The following ERICH6B variants were observed in gnomAD, a reference collection of about 807,000 sequenced individuals.
ERICH6B encodes the protein glutamate rich 6B, also known as glutamate-rich protein 6B.
ERICH6B carries 69 observed loss-of-function variants against 80.0 expected under a neutral mutation model. That is an observed-to-expected ratio of 0.86 (90% CI 0.71 to 1.05). ERICH6B has a LOEUF of 1.05. Among genes scored for constraint, ERICH6B ranks in the 50% least tolerant of loss-of-function variants. The pLI, the probability that ERICH6B is intolerant of heterozygous loss-of-function variation, is 0.00. For synonymous variants in ERICH6B, 283 were observed against 291.9 expected (o/e 0.97, Z 0.31); for missense variants, 754 against 796.1 (o/e 0.95, Z 0.64).
chr13:45,565,558 G>C (rs1874878400), intron 9 of ERICH6B, among the ~76,000 whole-genome samples: 1 of 152,160 alleles, frequency 6.6e-6, no homozygotes, highest in Non-Finnish European at 1.5e-5. Flanking sequence ...CTGAACCATG[G>C]GGGCATCTTT....
intron 9 of ERICH6B, among the ~76,000 whole-genome samples, chr13:45,566,082 C>A (rs149640560): frequency 6.6e-6 from 1 of 152,296 alleles, no homozygotes; most frequent in East Asian, 1.9e-4. Flanking sequence ...AAGAGACTGG[C>A]AGCATTTTTG....
At chr13:45,546,978 A>G (rs1033757787) in intron 13 of ERICH6B, among the ~76,000 whole-genome samples, 1 of 152,168 alleles carries the variant, frequency 6.6e-6, no homozygotes, top group Non-Finnish European at 1.5e-5. Context: ...CTCCTTCTCT[A>G]AGTAAGAGGC....
intron 13 of ERICH6B, among the ~76,000 whole-genome samples, chr13:45,546,928 G>T (rs1874016726): frequency 6.6e-6 from 1 of 152,144 alleles, no homozygotes; most frequent in Non-Finnish European, 1.5e-5. Context: ...AAACTTCTAA[G>T]GTCCTTTGTC....
At chr13:45,592,274 A>G (rs569654540) in intron 3 of ERICH6B, among the ~76,000 whole-genome samples, 1 of 152,318 alleles carries the variant, frequency 6.6e-6, no homozygotes, top group South Asian at 2.1e-4. Context: ...TTCTTTTGGG[A>G]GCACATTGGA....
Position 45,580,620 on chromosome 13 carries a change from G to T in ERICH6B, c.902C>A (p.Thr301Lys). ...AACTTTACCTTCCGGAGCCAGCTTC[G>T]TGGTGGTTTCTTGCTCTGTTTCTGA... The part of the protein sequence containing the change: ...SKSETEQETT[T>K]KLAPEEHVNT... The change falls in exon 6 of 15, where the codon ACG becomes AAG. Residue 301 changes from threonine (T) to lysine (K), a missense_variant. Thr to Lys is a moderately conservative substitution (Grantham distance 78). Coordinates refer to ENST00000298738, the MANE Select transcript of ERICH6B (RefSeq NM_182542.3). 1.3e-6 allele frequency: 2 copies of T among 1,551,606 alleles called. No homozygotes were observed. The highest frequency in any genetic ancestry group is 2.4e-5 in the East Asian group (1 of 40,928).
chr13:45,574,814 G>T (rs1048594723), intron 8 of ERICH6B, 28 bp downstream of exon 8: 33 of 1,508,374 alleles, frequency 2.2e-5, no homozygotes, highest in Non-Finnish European at 2.8e-5. Flanking sequence ...AAGCTGGGGG[G>T]GGGGTCTCAA....
intron 3 of ERICH6B, among the ~76,000 whole-genome samples, chr13:45,595,798 AC>A (rs1283742414): frequency 6.7e-6 from 1 of 150,282 alleles, no homozygotes; most frequent in Non-Finnish European, 1.5e-5. Flanking sequence ...GTGTGCCACC[AC>A]ACCCGACTAA....
chr13:45,606,144 G>A (rs1949858091), intron 2 of ERICH6B, among the ~76,000 whole-genome samples: 1 of 152,126 alleles, frequency 6.6e-6, no homozygotes, highest in African/African-American at 2.4e-5. Context: ...AATATTTAGA[G>A]TTCCTACTTG....
chr13:45,585,354 C>T (rs971503499), intron 5 of ERICH6B, among the ~76,000 whole-genome samples: 2 of 152,120 alleles, frequency 1.3e-5, no homozygotes, highest in Non-Finnish European at 2.9e-5. Flanking sequence ...GACCCAGGAC[C>T]CAGGAGCTGC....
At chr13:45,550,070 A>T in intron 12 of ERICH6B, 25 bp from the exon 13 acceptor site, 2 of 1,550,874 alleles carry the variant, frequency 1.3e-6, no homozygotes, top group Non-Finnish European at 1.7e-6. Flanking sequence ...AGGCACAAGT[A>T]GTCAGTCCTT....
intron 4 of ERICH6B, among the ~76,000 whole-genome samples, chr13:45,588,445 C>A (rs184804265): frequency 6.6e-6 from 1 of 152,178 alleles, no homozygotes; most frequent in African/African-American, 2.4e-5. Context: ...TAAGAACAGG[C>A]GGATGCAGGT....
chr13:45,570,291 G>A (rs1396594644), intron 8 of ERICH6B, among the ~76,000 whole-genome samples: 1 of 152,122 alleles, frequency 6.6e-6, no homozygotes, highest in Non-Finnish European at 1.5e-5. Context: ...TGATGCATAA[G>A]TGTATCACTG....
In ERICH6B at chr13:45,557,678, T is replaced by C. The variant is rs189469984; in HGVS notation, c.1407+3691A>G. ...TGCCAATTATCCCAGCACCATTTGT[T>C]GAATAAGATGTCCTTTCTCCACTTT... On this transcript the variant is annotated intron_variant, in intron 11 of 14. Transcript: ENST00000298738. Among the ~76,000 whole-genome samples the C allele has an allele frequency of 4.1e-3, 623 of 152,370 alleles. 7 individuals are homozygous for C. The highest frequency in any genetic ancestry group is 7.2e-3 in the Non-Finnish European group (493 of 68,038).
intron 2 of ERICH6B, among the ~76,000 whole-genome samples, chr13:45,600,997 C>T (rs992816687): frequency 6.6e-6 from 1 of 152,162 alleles, no homozygotes; most frequent in Non-Finnish European, 1.5e-5. Flanking sequence ...GATTTCTCAT[C>T]CTCCCCATGC....
intron 4 of ERICH6B, among the ~76,000 whole-genome samples, chr13:45,589,856 C>T (rs547437805): frequency 6.6e-6 from 1 of 152,270 alleles, no homozygotes; most frequent in Non-Finnish European, 1.5e-5. Context: ...TTGCAGTGCC[C>T]CTGGAGGTGT....
intron 2 of ERICH6B, among the ~76,000 whole-genome samples, chr13:45,602,878 A>G (rs1425981386): frequency 6.6e-6 from 1 of 152,236 alleles, no homozygotes; most frequent in African/African-American, 2.4e-5. Flanking sequence ...AGGGTTCTCC[A>G]GAGAAACAGA....
At chr13:45,560,279 A>G (rs545484412) in intron 11 of ERICH6B, among the ~76,000 whole-genome samples, 1 of 152,306 alleles carries the variant, frequency 6.6e-6, no homozygotes, top group East Asian at 1.9e-4. Context: ...TTTGTATAAT[A>G]GTATCAGTCT....
intron 11 of ERICH6B, among the ~76,000 whole-genome samples, chr13:45,552,660 C>G (rs2137965121): frequency 6.6e-6 from 1 of 151,960 alleles, no homozygotes; most frequent in Non-Finnish European, 1.5e-5. Context: ...CTTAAGGCCT[C>G]AAAAAATATT....
At chr13:45,565,478 T>C (rs1178616369) in intron 9 of ERICH6B, among the ~76,000 whole-genome samples, 1 of 152,192 alleles carries the variant, frequency 6.6e-6, no homozygotes, top group Non-Finnish European at 1.5e-5. Flanking sequence ...ATGATATAGT[T>C]TGACTGTCTT....
Sources: gnomAD v4.1 joint callset for allele counts (sites outside exome capture counted in the v4.1 genomes callset) on GRCh38, gnomAD v4.1.1 for gene constraint, MANE v1.5 for transcripts, NCBI Gene and HGNC (gene_info 2026-07-23, HGNC 2026-07-21) for gene names.